BNIP3L: variants seen among roughly 807,000 people sequenced by gnomAD.
The protein encoded by BNIP3L is BCL2 interacting protein 3 like, also known as BCL2/adenovirus E1B 19 kDa protein-interacting protein 3-like.
BNIP3L carries 10 observed loss-of-function variants against 25.5 expected under a neutral mutation model. The ratio of observed to expected loss-of-function variants is 0.39; its 90% CI spans 0.24 to 0.67. BNIP3L has a LOEUF of 0.67. Among genes scored for constraint, BNIP3L ranks in the 30% least tolerant of loss-of-function variants. The pLI, the probability that BNIP3L is intolerant of heterozygous loss-of-function variation, is 0.45. For missense variants in BNIP3L, 215 were observed against 270.9 expected, an observed-to-expected ratio of 0.79 and a Z score of 1.45; for synonymous variants, 113 against 101.2, an observed-to-expected ratio of 1.12 and a Z score of -0.70.
Position 26,383,235 on chromosome 8 carries a change from G to A in BNIP3L, c.100+5G>A. On this transcript the variant is annotated splice_donor_5th_base_variant and intron_variant, in intron 1 of 5. Coordinates refer to ENST00000380629, the MANE Select transcript of BNIP3L (RefSeq NM_004331.3). Reference sequence around the variant, plus strand: ...CCCCGCCGGCCGGCCTCAACAGTGAGTGCGGGGCCGAGGCTCTGTGAAGGG... The same window carrying A: ...CCCCGCCGGCCGGCCTCAACAGTGAATGCGGGGCCGAGGCTCTGTGAAGGG... 6.2e-7 allele frequency: 1 copy of A among 1,604,988 alleles called. No individual in the cohort carries two copies. Among genetic ancestry groups the A allele is most frequent in the Non-Finnish European group, 8.5e-7 (1 of 1,176,454 alleles).
At chr8:26,385,575 C>G (rs1297456679) in intron 1 of BNIP3L, among the ~76,000 whole-genome samples, 1 of 141,196 alleles carries the variant, frequency 7.1e-6, no homozygotes, top group Non-Finnish European at 1.5e-5. Flanking sequence ...TGCACTCCAG[C>G]CTGGGTGACA....
chr8:26,400,562 A>C (rs1239525378), intron 3 of BNIP3L, among the ~76,000 whole-genome samples: 1 of 141,798 alleles, frequency 7.1e-6, no homozygotes, highest in Non-Finnish European at 1.5e-5. Context: ...AAAATTGACA[A>C]ATGGGATCTA....
rs1438280836 is a variant in BNIP3L at position 26,390,371 on chromosome 8, C to T, written c.101-872C>T. ...CACATCCCCTTTTTCTGTGGCTCCA[C>T]CCCTTCAACTTTTTGTCCAAGAAAA... On this transcript the variant is annotated intron_variant, in intron 1 of 5. Transcript: ENST00000380629. 6 of 985,282 alleles carry T rather than the reference C, an allele frequency of 6.1e-6. No homozygotes were observed. In the East Asian group the frequency reaches 6.8e-4, roughly 112 times the overall value. 61.0% of individuals were successfully genotyped at this position (985,282 alleles called of 1,614,324 possible). A position where few individuals can be genotyped will look rare whatever the true frequency, so the allele number is the denominator to read the frequency against.
rs1326585199 is a variant in BNIP3L at position 26,412,007 on chromosome 8, CAT to C, written c.*1599_*1600del. On this transcript the variant is annotated 3_prime_UTR_variant, in exon 6 of 6. Transcript: ENST00000380629. The stretch of plus-strand genomic sequence containing the variant: ...ATTGATGTGTTATAGTGGAAAATAA[CAT>C]ATAGATTAAACAAAATTTTTATCTT... The C allele has an allele frequency of 2.0e-5, 3 of 152,560 alleles. No homozygotes were observed. The highest frequency in any genetic ancestry group is 2.9e-5 in the Non-Finnish European group (2 of 68,012). 9.5% of individuals were successfully genotyped at this position (152,560 alleles called of 1,614,324 possible).
intron 2 of BNIP3L, among the ~76,000 whole-genome samples, chr8:26,391,965 A>C (rs897307011): frequency 6.6e-6 from 1 of 152,186 alleles, no homozygotes; most frequent in African/African-American, 2.4e-5. Flanking sequence ...GCACAGTTGG[A>C]AGCACCAACC....
At chr8:26,402,370 A>C (rs966586112) in intron 3 of BNIP3L, among the ~76,000 whole-genome samples, 2 of 152,224 alleles carry the variant, frequency 1.3e-5, no homozygotes, top group Admixed American at 6.5e-5. Flanking sequence ...AAGCTTACAA[A>C]GTCTCCATAG....
chr8:26,401,611 A>G (rs1336341073), intron 3 of BNIP3L, among the ~76,000 whole-genome samples: 1 of 151,558 alleles, frequency 6.6e-6, no homozygotes, highest in Non-Finnish European at 1.5e-5. Flanking sequence ...ACAAAATAAA[A>G]AAAAAAAAAA....
At chr8:26,383,443 G>C in intron 1 of BNIP3L, 2 of 1,375,876 alleles carry the variant, frequency 1.5e-6, no homozygotes, top group Non-Finnish European at 1.9e-6. Flanking sequence ...TCTTGGGCCC[G>C]GGGCCGTTTG....
chr8:26,393,223 G>C (rs187433606), intron 2 of BNIP3L, among the ~76,000 whole-genome samples: 1 of 151,476 alleles, frequency 6.6e-6, no homozygotes, highest in Non-Finnish European at 1.5e-5. Context: ...TCTTGTAGGG[G>C]GAAATGTTTT....
rs1189435915 is a variant in BNIP3L, at chr8:26,411,301, T to G, written c.*889T>G. On this transcript the variant is annotated 3_prime_UTR_variant, in exon 6 of 6. Coordinates refer to ENST00000380629, the MANE Select transcript of BNIP3L (RefSeq NM_004331.3). Reference sequence around the variant, plus strand: ...TTTACATTTTTTATTTTTTATTTCTTTATTTTTTTTTCTCTAAGAAGAGGC... The same window carrying G: ...TTTACATTTTTTATTTTTTATTTCTGTATTTTTTTTTCTCTAAGAAGAGGC... 6.6e-6 allele frequency: 1 copy of G among 152,582 alleles called. No homozygotes were observed. The highest frequency in any genetic ancestry group is 1.5e-5 in the Non-Finnish European group (1 of 68,042). The allele number at this position is 152,582 out of a possible 1,614,324, so 9.5% of individuals were successfully genotyped here. A position where few individuals can be genotyped will look rare whatever the true frequency, so the allele number is the denominator to read the frequency against.
chr8:26,406,380 A>C (rs1806500250), intron 3 of BNIP3L, among the ~76,000 whole-genome samples: 1 of 152,214 alleles, frequency 6.6e-6, no homozygotes, highest in Non-Finnish European at 1.5e-5. Context: ...GCCTCTCTAT[A>C]CAGTATTCCT....
intron 5 of BNIP3L, among the ~76,000 whole-genome samples, chr8:26,410,097 C>G (rs909851528): frequency 1.3e-5 from 2 of 152,170 alleles, no homozygotes; most frequent in African/African-American, 2.4e-5. Flanking sequence ...TCTGTTCTCT[C>G]TGGCTTTACT....
chr8:26,391,171 C>A, intron 1 of BNIP3L, 72 bp from the exon 2 acceptor site: 1 of 1,296,670 alleles, frequency 7.7e-7, no homozygotes, highest in Non-Finnish European at 1.0e-6. Context: ...TCTGGATTCA[C>A]CATGTTCACA....
chr8:26,389,717 G>C (rs531214758), intron 1 of BNIP3L, among the ~76,000 whole-genome samples: 6 of 152,308 alleles, frequency 3.9e-5, no homozygotes, highest in African/African-American at 1.4e-4. Context: ...TATTATCTCT[G>C]TTTACAAATG....
chr8:26,409,939 GT>G (rs3840704), intron 5 of BNIP3L, among the ~76,000 whole-genome samples: 94,705 of 150,900 alleles, frequency 0.63, 30,030 homozygotes, highest in East Asian at 0.87. Context: ...AGCTTTTAAG[GT>G]TTTTTTTTTC....
chr8:26,407,155 G>A (rs540615380), intron 3 of BNIP3L, among the ~76,000 whole-genome samples: 53 of 151,192 alleles, frequency 3.5e-4, no homozygotes, highest in African/African-American at 1.2e-3. Context: ...ACAGGTGCCC[G>A]CCACCATGCC....
intron 2 of BNIP3L, among the ~76,000 whole-genome samples, chr8:26,394,825 A>C (rs1238740756): frequency 6.6e-6 from 1 of 152,238 alleles, no homozygotes; most frequent in Non-Finnish European, 1.5e-5. Flanking sequence ...TACCTTATGC[A>C]CTTTGAGAAC....
intron 3 of BNIP3L, among the ~76,000 whole-genome samples, chr8:26,407,527 C>T (rs1311260232): frequency 1.3e-5 from 2 of 151,104 alleles, no homozygotes; most frequent in African/African-American, 2.4e-5. Flanking sequence ...GGGGTTTTAC[C>T]ATGTTGGCCA....
At chr8:26,394,434 A>C (rs867723502) in intron 2 of BNIP3L, among the ~76,000 whole-genome samples, 2 of 152,142 alleles carry the variant, frequency 1.3e-5, no homozygotes, top group African/African-American at 4.8e-5. Context: ...ACCCCAAAAA[A>C]CTTGTTTGTG....
Sources: allele counts gnomAD v4.1 joint callset (sites outside exome capture counted in the v4.1 genomes callset), GRCh38; gene constraint gnomAD v4.1.1; transcripts MANE v1.5; gene names NCBI Gene and HGNC (gene_info 2026-07-23, HGNC 2026-07-21).